The following GUCY1A2 variants were observed in gnomAD, a reference collection of about 807,000 sequenced individuals.
GUCY1A2 encodes guanylate cyclase soluble subunit alpha-2.
Under a neutral mutation model 63.5 loss-of-function variants are expected in GUCY1A2, and 27 were observed. The observed-to-expected ratio is 0.43, with a 90% CI of 0.31 to 0.59. GUCY1A2 has a LOEUF of 0.59. Among genes scored for constraint, GUCY1A2 ranks in the 20% least tolerant of loss-of-function variants. The probability of loss-of-function intolerance (pLI) is 0.11; values close to 1 mark genes in which losing one functional copy is unlikely to be tolerated. For synonymous variants in GUCY1A2, 364 were observed against 343.5 expected (o/e 1.06, Z -0.66); for missense variants, 768 against 913.3 (o/e 0.84, Z 2.05).
At chr11:106,876,566 T>G (rs1859752367) in intron 4 of GUCY1A2, among the ~76,000 whole-genome samples, 1 of 152,086 alleles carries the variant, frequency 6.6e-6, no homozygotes, top group East Asian at 1.9e-4. Context: ...AAATCATACA[T>G]GACCAACCTC....
At chr11:107,000,189 T>C (rs965826017) in intron 1 of GUCY1A2, among the ~76,000 whole-genome samples, 1 of 152,246 alleles carries the variant, frequency 6.6e-6, no homozygotes, top group African/African-American at 2.4e-5. Flanking sequence ...CTTTGAAATG[T>C]GTTTACAATG....
chr11:106,710,573 G>T (rs904090200), intron 6 of GUCY1A2, among the ~76,000 whole-genome samples: 3 of 150,782 alleles, frequency 2.0e-5, no homozygotes, highest in African/African-American at 7.3e-5. Context: ...TTCAACCCTT[G>T]AGACAGTCAA....
At chr11:106,983,379 A>G (rs747557680) in intron 2 of GUCY1A2, among the ~76,000 whole-genome samples, 4 of 152,216 alleles carry the variant, frequency 2.6e-5, no homozygotes, top group Non-Finnish European at 4.4e-5. Flanking sequence ...CAGAGAGGCT[A>G]TCTTACTCCC....
At chr11:107,010,381 G>T (rs1411165986) in intron 1 of GUCY1A2, among the ~76,000 whole-genome samples, 1 of 152,144 alleles carries the variant, frequency 6.6e-6, no homozygotes, top group African/African-American at 2.4e-5. Flanking sequence ...ATTTGACAGA[G>T]AATTGGGCAG....
intron 4 of GUCY1A2, chr11:106,828,029 G>C (rs1404471800): frequency 1.4e-5 from 9 of 639,378 alleles, no homozygotes; most frequent in Non-Finnish European, 2.5e-5. Flanking sequence ...CGGGCCCTTT[G>C]CCCACTTTTA....
chr11:106,791,116 C>A (rs1251343453), intron 5 of GUCY1A2, among the ~76,000 whole-genome samples: 6 of 152,146 alleles, frequency 3.9e-5, no homozygotes, highest in Non-Finnish European at 7.4e-5. Context: ...GCACTTTAGT[C>A]CATGGTGGCA....
In GUCY1A2 at chr11:106,980,135, G is replaced by T. The variant is rs1173702132; in HGVS notation, c.366-1395C>A. Among the ~76,000 whole-genome samples, 5 of 152,178 alleles carry T rather than the reference G, an allele frequency of 3.3e-5. 1 individual carries two copies. Among genetic ancestry groups the T allele is most frequent in the South Asian group, 4.1e-4 (2 of 4,828 alleles). On this transcript the variant is annotated intron_variant, in intron 2 of 7. Coordinates refer to ENST00000526355, the MANE Select transcript of GUCY1A2 (RefSeq NM_000855.3). ...TGGAGAAAGTTATCGACAAGGAAAA[G>T]AAATAGAGCAAAATTGGGAGCAACC...
intron 6 of GUCY1A2, 40 bp from the exon 7 acceptor site, chr11:106,708,706 C>G (rs1862962774): frequency 1.4e-6 from 2 of 1,406,116 alleles, no homozygotes; most frequent in Admixed American, 4.1e-5. Flanking sequence ...ATATTTGTTT[C>G]CATTTGGTAT....
intron 4 of GUCY1A2, among the ~76,000 whole-genome samples, chr11:106,850,346 T>C (rs1859335367): frequency 1.3e-5 from 2 of 151,778 alleles, no homozygotes; most frequent in Admixed American, 1.3e-4. Context: ...TTACTTTGTG[T>C]TGTGAACATT....
chr11:106,707,929 G>C (rs560478626), intron 7 of GUCY1A2, among the ~76,000 whole-genome samples: 1 of 152,176 alleles, frequency 6.6e-6, no homozygotes, highest in African/African-American at 2.4e-5. Context: ...GAACCAACAC[G>C]ATACTGAAAG....
rs1591334906 is a variant in GUCY1A2 at position 106,938,335 on chromosome 11, T to C, written c.1206+1125A>G. Among the ~76,000 whole-genome samples the C allele has an allele frequency of 4.6e-5, 7 of 152,226 alleles. No individual in the cohort carries two copies. In the South Asian group the frequency reaches 1.2e-3, roughly 27 times the overall value. On this transcript the variant is annotated intron_variant, in intron 4 of 7. Coordinates refer to ENST00000526355, the MANE Select transcript of GUCY1A2 (RefSeq NM_000855.3). Reference sequence around the variant, plus strand: ...ATGAAACTAATGCTGTATAAAATCCTCAAAAACAAGTTAAGCGCTGCTTTC... The same window carrying C: ...ATGAAACTAATGCTGTATAAAATCCCCAAAAACAAGTTAAGCGCTGCTTTC...
chr11:106,770,765 A>G (rs1864241727), intron 6 of GUCY1A2, among the ~76,000 whole-genome samples: 1 of 151,464 alleles, frequency 6.6e-6, no homozygotes, highest in African/African-American at 2.4e-5. Flanking sequence ...GTGTTACAAT[A>G]CATGTAAATT....
At chr11:106,780,507 T>C (rs1182890056) in intron 5 of GUCY1A2, among the ~76,000 whole-genome samples, 1 of 152,162 alleles carries the variant, frequency 6.6e-6, no homozygotes, top group Non-Finnish European at 1.5e-5. Flanking sequence ...CCAGGAACAA[T>C]GCTAACAGAA....
At position 107,003,906 on chromosome 11, in the gene GUCY1A2, G is replaced by C. The variant is rs543054303; in HGVS notation, c.303+13847C>G. Among the ~76,000 whole-genome samples, 12 of 152,280 alleles carry C rather than the reference G, an allele frequency of 7.9e-5. No individual in the cohort carries two copies. In the South Asian group the frequency reaches 2.5e-3, roughly 32 times the overall value. ...GAGAAGAAAGCAGAATTGGGCACAA[G>C]GAGAAGTTGGACTATGATGAAGACT... On this transcript the variant is annotated intron_variant, in intron 1 of 7. Coordinates refer to ENST00000526355, the MANE Select transcript of GUCY1A2 (RefSeq NM_000855.3).
At chr11:106,931,252 T>A (rs1349215950) in intron 4 of GUCY1A2, among the ~76,000 whole-genome samples, 1 of 152,140 alleles carries the variant, frequency 6.6e-6, no homozygotes, top group African/African-American at 2.4e-5. Flanking sequence ...CTAAAAAGTA[T>A]AAGAAAAGAT....
chr11:106,825,975 C>G (rs543607337), intron 4 of GUCY1A2, among the ~76,000 whole-genome samples: 2 of 152,270 alleles, frequency 1.3e-5, no homozygotes, highest in East Asian at 1.9e-4. Flanking sequence ...TGCTACATCT[C>G]TATTTAAAGT....
At chr11:106,878,028 A>T (rs933556547) in intron 4 of GUCY1A2, among the ~76,000 whole-genome samples, 3 of 152,198 alleles carry the variant, frequency 2.0e-5, no homozygotes, top group Admixed American at 6.6e-5. Context: ...ATATGAAAAA[A>T]AACTCAAAAT....
Position 106,775,711 on chromosome 11 carries a change from T to C in GUCY1A2, c.1836+728A>G, listed in dbSNP as rs1421805450. 2.7e-5 allele frequency among the ~76,000 whole-genome samples: 3 copies of C among 112,866 alleles called. No individual in the cohort carries two copies. In the Admixed American group the frequency reaches 3.8e-4, roughly 14 times the overall value. 74.0% of individuals were successfully genotyped at this position (112,866 alleles called of 152,430 possible). A position where few individuals can be genotyped will look rare whatever the true frequency, so the allele number is the denominator to read the frequency against. On this transcript the variant is annotated intron_variant, in intron 6 of 7. Coordinates refer to ENST00000526355, the MANE Select transcript of GUCY1A2 (RefSeq NM_000855.3). ...GTGCCCGCCCCCCCGCCCCCGTGTT[T>C]TCTTAACTCTTAGCTGGTAAGCTGT...
At chr11:106,933,504 A>G (rs762353740) in intron 4 of GUCY1A2, among the ~76,000 whole-genome samples, 8 of 152,172 alleles carry the variant, frequency 5.3e-5, no homozygotes, top group Non-Finnish European at 7.4e-5. Context: ...GTGGGACTAT[A>G]AATTAGTTCA....
Sources: gnomAD v4.1 joint callset for allele counts (sites outside exome capture counted in the v4.1 genomes callset) on GRCh38, gnomAD v4.1.1 for gene constraint, MANE v1.5 for transcripts, NCBI Gene and HGNC (gene_info 2026-07-23, HGNC 2026-07-21) for gene names.